Variants in ADAMTSL1 observed in about 807,000 individuals in gnomAD.
ADAMTSL1 encodes ADAMTS like 1.
In ADAMTSL1, 126 loss-of-function variants were observed where a neutral mutation model predicts 201.8. That is an observed-to-expected ratio of 0.62 (90% CI 0.54 to 0.72). The LOEUF is 0.72. Among genes scored for constraint, ADAMTSL1 ranks in the 30% least tolerant of loss-of-function variants. ADAMTSL1 has a pLI of 0.00. For synonymous variants in ADAMTSL1, 1,121 were observed against 903.4 expected (o/e 1.24, Z -4.32); for missense variants, 2,679 against 2,277.8 (o/e 1.18, Z -3.59).
At chr9:18,248,077 C>T (rs990014296) in intron 2 of ADAMTSL1, among the ~76,000 whole-genome samples, 4 of 152,044 alleles carry the variant, frequency 2.6e-5, no homozygotes, top group African/African-American at 7.3e-5. Context: ...TTTTAGTTAC[C>T]AGGAAACCTA....
At chr9:18,332,520 A>G (rs570504024) in intron 2 of ADAMTSL1, among the ~76,000 whole-genome samples, 18 of 152,240 alleles carry the variant, frequency 1.2e-4, no homozygotes, top group African/African-American at 4.1e-4. Flanking sequence ...TTACAATCAT[A>G]GCCCCCTGCA....
chr9:18,637,140 C>A (rs1330446796), intron 6 of ADAMTSL1, among the ~76,000 whole-genome samples: 4 of 152,116 alleles, frequency 2.6e-5, no homozygotes, highest in African/African-American at 2.4e-5. Context: ...AGGTACAGTT[C>A]AGGCAAAACC....
intron 4 of ADAMTSL1, among the ~76,000 whole-genome samples, chr9:18,614,929 T>C (rs1171833974): frequency 6.6e-6 from 1 of 152,112 alleles, no homozygotes; most frequent in Non-Finnish European, 1.5e-5. Context: ...GAAGTTTCCA[T>C]CTACTCAAAA....
In ADAMTSL1 at chr9:18,457,914, T is replaced by G. The variant is rs555365035; in HGVS notation, c.208-46915T>G. On this transcript the variant is annotated intron_variant, in intron 2 of 29. Coordinates refer to the ADAMTSL1 transcript ENST00000680146. ...GCTCATGCACAGTCACTGTTAGGCA[T>G]AGCTGACATCCACCCTCCATCAAGC... is the stretch of plus-strand genomic sequence containing the variant. 3.3e-5 allele frequency among the ~76,000 whole-genome samples: 5 copies of G among 152,358 alleles called. No individual in the cohort carries two copies. The South Asian group carries it at 1.0e-3, about 32-fold the overall frequency.
At chr9:18,015,367 A>C (rs1481211975) in intron 1 of ADAMTSL1, among the ~76,000 whole-genome samples, 1 of 152,114 alleles carries the variant, frequency 6.6e-6, no homozygotes, top group Non-Finnish European at 1.5e-5. Flanking sequence ...GCTGATGATA[A>C]CTGAGTTAAA....
rs36065274 is a variant in ADAMTSL1 at position 18,785,162 on chromosome 9, T to TAA, written c.3677+7268_3677+7269dup. 8.6e-3 allele frequency among the ~76,000 whole-genome samples: 1,265 copies of TAA among 147,240 alleles called. 4 individuals carry two copies. Among genetic ancestry groups the TAA allele is most frequent in the Non-Finnish European group, 0.014 (959 of 66,478 alleles). ...CTGGGTGACACAGTGAGACTCCGTC[T>TAA]AAAAAAAAAAAAACTTAATGGAGCT... On this transcript the variant is annotated intron_variant, in intron 19 of 28. Coordinates refer to ENST00000380548, the MANE Select transcript of ADAMTSL1 (RefSeq NM_001040272.6).
At chr9:18,745,605 G>T (rs1032957969) in intron 15 of ADAMTSL1, among the ~76,000 whole-genome samples, 7 of 152,002 alleles carry the variant, frequency 4.6e-5, no homozygotes, top group Non-Finnish European at 1.0e-4. Flanking sequence ...GATACTACTG[G>T]GATGTCATTG....
intron 4 of ADAMTSL1, among the ~76,000 whole-genome samples, chr9:18,594,011 T>C (rs1824094856): frequency 6.6e-6 from 1 of 152,190 alleles, no homozygotes; most frequent in Non-Finnish European, 1.5e-5. Flanking sequence ...TTGGTAATGA[T>C]AAATTCCCTC....
intron 1 of ADAMTSL1, among the ~76,000 whole-genome samples, chr9:17,967,586 T>A (rs1818028580): frequency 6.6e-6 from 1 of 152,130 alleles, no homozygotes; most frequent in Non-Finnish European, 1.5e-5. Context: ...CTTAGGAAGA[T>A]TAAATATTTC....
At chr9:18,891,173 C>T (rs140875390) in intron 25 of ADAMTSL1, among the ~76,000 whole-genome samples, 9 of 152,368 alleles carry the variant, frequency 5.9e-5, no homozygotes, top group Middle Eastern at 3.4e-3. Context: ...GATGTGGCGC[C>T]GCTTGGCTAG....
intron 1 of ADAMTSL1, among the ~76,000 whole-genome samples, chr9:18,076,151 C>T (rs571740658): frequency 6.6e-6 from 1 of 152,166 alleles, no homozygotes; most frequent in Non-Finnish European, 1.5e-5. Flanking sequence ...GATCTATTCC[C>T]GTGGTTTCAC....
At chr9:17,913,480 T>C (rs1489980011) in intron 1 of ADAMTSL1, among the ~76,000 whole-genome samples, 2 of 151,984 alleles carry the variant, frequency 1.3e-5, no homozygotes, top group East Asian at 1.9e-4. Context: ...AGTTCACTCA[T>C]GAGACACAAC....
intron 2 of ADAMTSL1, among the ~76,000 whole-genome samples, chr9:18,211,700 C>G (rs1407675994): frequency 6.6e-6 from 1 of 152,164 alleles, no homozygotes; most frequent in Non-Finnish European, 1.5e-5. Flanking sequence ...AAGAGAATTT[C>G]ACCGTCCCTT....
At chr9:17,969,037 C>T (rs1252622900) in intron 1 of ADAMTSL1, among the ~76,000 whole-genome samples, 1 of 152,022 alleles carries the variant, frequency 6.6e-6, no homozygotes, top group South Asian at 2.1e-4. Flanking sequence ...ATTTCCTCCT[C>T]TCACAGTTTC....
At position 18,873,384 on chromosome 9, in the gene ADAMTSL1, A is replaced by G. The variant is rs574917919; in HGVS notation, c.4250-14447A>G. ...TGAAGTCTTTGCTGAAGCCAATGTC[A>G]AGAAGGGTTTTTCCAGTGTTACCTT... On this transcript the variant is annotated intron_variant, in intron 23 of 28. Coordinates refer to ENST00000380548, the MANE Select transcript of ADAMTSL1 (RefSeq NM_001040272.6). Among the ~76,000 whole-genome samples the G allele has an allele frequency of 3.4e-3, 512 of 152,176 alleles. 4 individuals carry two copies. Among genetic ancestry groups the G allele is most frequent in the African/African-American group, 0.011 (472 of 41,544 alleles).
At chr9:18,570,369 G>C (rs1822219870) in intron 3 of ADAMTSL1, among the ~76,000 whole-genome samples, 1 of 152,146 alleles carries the variant, frequency 6.6e-6, no homozygotes, top group Non-Finnish European at 1.5e-5. Flanking sequence ...TGTGGAACAA[G>C]AGGCTACAAT....
intron 23 of ADAMTSL1, among the ~76,000 whole-genome samples, chr9:18,860,558 G>C (rs1827148522): frequency 6.6e-6 from 1 of 151,234 alleles, no homozygotes; most frequent in Non-Finnish European, 1.5e-5. Flanking sequence ...TACCAACAAT[G>C]ACAAACATCT....
At chr9:18,311,583 A>G (rs901346788) in intron 2 of ADAMTSL1, among the ~76,000 whole-genome samples, 3 of 152,128 alleles carry the variant, frequency 2.0e-5, no homozygotes, top group Non-Finnish European at 4.4e-5. Flanking sequence ...GCTGAACATC[A>G]TGAACAGATA....
At position 18,213,897 on chromosome 9, in the gene ADAMTSL1, CTTAT is replaced by C. The variant is rs574730343; in HGVS notation, c.207+49931_207+49934del. The stretch of plus-strand genomic sequence containing the variant: ...TGGGATTACACGCCTGGCTTGCTTG[CTTAT>C]TTATTTATTTATTTTAGTAGAGATG... On this transcript the variant is annotated intron_variant, in intron 2 of 29. Transcript: ENST00000680146. Among the ~76,000 whole-genome samples the C allele has an allele frequency of 1.5e-3, 235 of 152,040 alleles. 2 individuals carry two copies. Among genetic ancestry groups the C allele is most frequent in the Non-Finnish European group, 2.2e-3 (149 of 67,978 alleles).
Sources: gnomAD v4.1 joint callset for allele counts (sites outside exome capture counted in the v4.1 genomes callset) on GRCh38, gnomAD v4.1.1 for gene constraint, MANE v1.5 for transcripts, NCBI Gene and HGNC (gene_info 2026-07-23, HGNC 2026-07-21) for gene names.